Variants in TLN2 observed in about 807,000 individuals in gnomAD.
The protein encoded by TLN2 is talin-2.
Under a neutral mutation model 294.7 loss-of-function variants are expected in TLN2, and 118 were observed. That is an observed-to-expected ratio of 0.40 (90% confidence interval 0.34 to 0.47). TLN2 has a LOEUF of 0.47. Ranked by LOEUF, TLN2 falls within the 20% of genes least tolerant of loss-of-function variation. The probability of loss-of-function intolerance (pLI) is 0.84; values close to 1 mark genes in which losing one functional copy is unlikely to be tolerated. For synonymous variants in TLN2, 1,431 were observed against 1,304.5 expected (o/e 1.10, Z -2.09); for missense variants, 3,083 against 3,282.2 (o/e 0.94, Z 1.48).
intron 52 of TLN2, among the ~76,000 whole-genome samples, chr15:62,816,090 T>G (rs1357036613): frequency 6.6e-6 from 1 of 152,234 alleles, no homozygotes; most frequent in African/African-American, 2.4e-5. Context: ...TTAGAACCTT[T>G]TGGTATTTAG....
At chr15:62,593,046 G>A (rs1428760581) in intron 2 of TLN2, among the ~76,000 whole-genome samples, 3 of 152,276 alleles carry the variant, frequency 2.0e-5, no homozygotes, top group East Asian at 1.9e-4. Context: ...GGAATTTTTA[G>A]TTCCCACTGC....
At chr15:62,817,568 A>C (rs1182210007) in intron 52 of TLN2, among the ~76,000 whole-genome samples, 6 of 152,172 alleles carry the variant, frequency 3.9e-5, no homozygotes, top group Non-Finnish European at 1.5e-5. Flanking sequence ...TGCCGTGTCT[A>C]GGGCTGGTCA....
intron 2 of TLN2, among the ~76,000 whole-genome samples, chr15:62,600,091 G>T (rs1049763516): frequency 6.6e-6 from 1 of 152,132 alleles, no homozygotes; most frequent in Non-Finnish European, 1.5e-5. Context: ...GGGATTTCCC[G>T]CTGAGTTGAT....
At chr15:62,753,169 T>C (rs2062029668) in intron 35 of TLN2, among the ~76,000 whole-genome samples, 1 of 152,258 alleles carries the variant, frequency 6.6e-6, no homozygotes, top group African/African-American at 2.4e-5. Flanking sequence ...CCTTGTGCCC[T>C]CTTGTCCTCT....
intron 8 of TLN2, among the ~76,000 whole-genome samples, chr15:62,657,359 G>T (rs911703155): frequency 3.9e-5 from 6 of 152,048 alleles, no homozygotes; most frequent in African/African-American, 1.4e-4. Flanking sequence ...TGGGGGTTGG[G>T]TTGATTTTAC....
At chr15:62,757,857 G>A (rs1049378333) in intron 37 of TLN2, among the ~76,000 whole-genome samples, 2 of 152,178 alleles carry the variant, frequency 1.3e-5, no homozygotes, top group East Asian at 1.9e-4. Flanking sequence ...TTCCCATCAT[G>A]TGGCAGGGTT....
intron 1 of TLN2, among the ~76,000 whole-genome samples, chr15:62,451,078 T>A (rs1218877544): frequency 6.6e-6 from 1 of 151,936 alleles, no homozygotes; most frequent in Non-Finnish European, 1.5e-5. Flanking sequence ...TGAGAGTGCT[T>A]TAGTGGATTA....
At chr15:62,839,018 A>G (rs1221434248) in intron 58 of TLN2, 37 bp downstream of exon 58, 1 of 1,599,490 alleles carries the variant, frequency 6.3e-7, no homozygotes. Flanking sequence ...TTACTTCCCG[A>G]GAGAGGTGTT....
chr15:62,484,884 C>T (rs1314061296), intron 1 of TLN2, among the ~76,000 whole-genome samples: 1 of 152,146 alleles, frequency 6.6e-6, no homozygotes. Context: ...AACAAATGAC[C>T]TTAAACTTGT....
intron 28 of TLN2, among the ~76,000 whole-genome samples, chr15:62,727,714 A>G (rs2060512274): frequency 6.6e-6 from 1 of 152,234 alleles, no homozygotes; most frequent in Admixed American, 6.5e-5. Flanking sequence ...TAAGGAACAG[A>G]TTGCACAATC....
intron 2 of TLN2, among the ~76,000 whole-genome samples, chr15:62,592,864 G>T (rs1029494526): frequency 5.3e-5 from 8 of 152,190 alleles, no homozygotes; most frequent in African/African-American, 1.9e-4. Context: ...TTGATAGATG[G>T]GGTGGGGGAA....
In TLN2 at chr15:62,690,847, C is replaced by A. The variant is rs1595674301; in HGVS notation, c.1114-1993C>A. Among the ~76,000 whole-genome samples the A allele has an allele frequency of 4.6e-5, 7 of 151,214 alleles. No individual in the cohort carries two copies. The South Asian group carries it at 6.3e-4, about 14-fold the overall frequency. ...CCAACACAGCGAAACCCCGTCTCCA[C>A]CAAAAAAAATACGAAAACCAGTCAG... On this transcript the variant is annotated intron_variant, in intron 12 of 58. Coordinates refer to ENST00000636159, the MANE Select transcript of TLN2 (RefSeq NM_015059.3).
intron 11 of TLN2, among the ~76,000 whole-genome samples, chr15:62,678,677 G>A (rs1407088432): frequency 1.3e-5 from 2 of 152,098 alleles, no homozygotes; most frequent in East Asian, 3.9e-4. Flanking sequence ...CTAAAAATAC[G>A]AAAGTTAGCT....
At chr15:62,593,163 T>G (rs1436392712) in intron 2 of TLN2, among the ~76,000 whole-genome samples, 1 of 152,248 alleles carries the variant, frequency 6.6e-6, no homozygotes, top group Non-Finnish European at 1.5e-5. Flanking sequence ...GAAGAGAAGT[T>G]GTTCCATGCT....
At chr15:62,491,347 TATATACACACACACACAC>T (rs1178062601) in intron 1 of TLN2, among the ~76,000 whole-genome samples, 34 of 82,308 alleles carry the variant, frequency 4.1e-4, no homozygotes, top group African/African-American at 1.7e-3. Flanking sequence ...AATATATATA[TATATACACACACACACAC>T]ACACACACAC....
At chr15:62,713,746 A>T (rs974228610) in intron 22 of TLN2, among the ~76,000 whole-genome samples, 1 of 152,002 alleles carries the variant, frequency 6.6e-6, no homozygotes, top group Non-Finnish European at 1.5e-5. Flanking sequence ...ACTGTCCATC[A>T]TGTTACTTGA....
At chr15:62,450,545 GTA>G (rs1427361175) in intron 1 of TLN2, among the ~76,000 whole-genome samples, 734 of 52,638 alleles carry the variant, frequency 0.014, 2 homozygotes, top group African/African-American at 0.031. Flanking sequence ...ATGTATGTAT[GTA>G]TGTGTGTGTG....
intron 46 of TLN2, among the ~76,000 whole-genome samples, 165 bp from the exon 47 acceptor site, chr15:62,795,962 A>T (rs2065446818): frequency 6.6e-6 from 1 of 152,206 alleles, no homozygotes; most frequent in African/African-American, 2.4e-5. Context: ...AGGGCCTGTA[A>T]ATGGCAAAGC....
intron 1 of TLN2, among the ~76,000 whole-genome samples, chr15:62,588,563 C>T (rs565939388): frequency 6.0e-5 from 9 of 150,078 alleles, no homozygotes; most frequent in East Asian, 4.0e-4. Context: ...ACCCGGAAGG[C>T]GGAGATAACA....
Sources: gnomAD v4.1 joint callset for allele counts (sites outside exome capture counted in the v4.1 genomes callset) on GRCh38, gnomAD v4.1.1 for gene constraint, MANE v1.5 for transcripts, NCBI Gene and HGNC (gene_info 2026-07-23, HGNC 2026-07-21) for gene names.